Variants in TSPAN1 observed in about 807,000 individuals in gnomAD.
TSPAN1 encodes the protein tetraspanin 1.
A neutral mutation model predicts 26.9 loss-of-function variants in TSPAN1; 23 were observed. That is an observed-to-expected ratio of 0.85 (90% CI 0.62 to 1.21). The LOEUF (loss-of-function observed/expected upper bound fraction) is 1.21. Among genes scored for constraint, TSPAN1 ranks in the 50% most tolerant of loss-of-function variants. The pLI, the probability that TSPAN1 is intolerant of heterozygous loss-of-function variation, is 0.00. For synonymous variants in TSPAN1, 115 were observed against 114.8 expected (o/e 1.00, Z -0.01); for missense variants, 283 against 298.4 (o/e 0.95, Z 0.38).
At chr1:46,190,939 A>G, downstream of TSPAN1, 1 of 727,528 alleles carries the variant, frequency 1.4e-6, no homozygotes, top group East Asian at 2.8e-5. Flanking sequence ...TCTTTGCAGC[A>G]TCCTCAGCAA....
Position 46,185,109 on chromosome 1 carries a change from A to C in TSPAN1, c.588A>C (p.Lys196Asn). 6.2e-7 allele frequency: 1 copy of C among 1,614,208 alleles called. No homozygotes were observed. Among genetic ancestry groups the C allele is most frequent in the Non-Finnish European group, 8.5e-7 (1 of 1,180,036 alleles). Residue 196 changes from lysine to asparagine, a missense_variant, in exon 7 of 9, where the codon AAA becomes AAC. Coordinates refer to ENST00000372003, the MANE Select transcript of TSPAN1 (RefSeq NM_005727.4). Reference protein sequence around the residue: ...TCTKQKAHDQKVEGCFNQLLY... With the variant: ...TCTKQKAHDQNVEGCFNQLLY... ...CCAAGCAAAAGGCTCACGACCAAAAAGTAGAGGTGTGGGCTGGCATGAGTG... is the reference window on the plus strand; with the variant it reads ...CCAAGCAAAAGGCTCACGACCAAAACGTAGAGGTGTGGGCTGGCATGAGTG...
intron 1 of TSPAN1, among the ~76,000 whole-genome samples, chr1:46,179,909 C>T (rs1657272635): frequency 6.6e-6 from 1 of 151,698 alleles, no homozygotes; most frequent in South Asian, 2.1e-4. Flanking sequence ...CGGAAGCTGC[C>T]AAATCTCAGT....
chr1:46,194,115 G>A, the TSPAN1 span, among the ~76,000 whole-genome samples: 220 of 152,254 alleles, frequency 1.4e-3, 1 homozygote, highest in African/African-American at 4.8e-3. Context: ...CACATGGCCT[G>A]CCCCTTCACC....
At chr1:46,181,947 G>A (rs1657323012) in intron 3 of TSPAN1, among the ~76,000 whole-genome samples, 2 of 152,212 alleles carry the variant, frequency 1.3e-5, no homozygotes, top group South Asian at 4.1e-4. Context: ...GAGAAGCTGA[G>A]CCATGAGGCG....
chr1:46,193,398 A>G, the TSPAN1 span: 34 of 1,610,522 alleles, frequency 2.1e-5, no homozygotes, highest in Non-Finnish European at 2.9e-5. Context: ...CCTGGGGGAC[A>G]TGGCCACTGC....
chr1:46,175,713 A>G (rs547749555), intron 1 of TSPAN1: 1 of 400,354 alleles, frequency 2.5e-6, no homozygotes, highest in Non-Finnish European at 4.4e-6. Flanking sequence ...CCCCTCCCCA[A>G]ACCCTCTGCT....
intron 3 of TSPAN1, 58 bp from the exon 4 acceptor site, chr1:46,184,133 G>A (rs1657371336): frequency 6.4e-7 from 1 of 1,561,928 alleles, no homozygotes; most frequent in Admixed American, 1.7e-5. Context: ...ACTCAGCTGT[G>A]TGGTAGTAAG....
the TSPAN1 span, chr1:46,190,978 C>T: frequency 7.5e-5 from 45 of 602,066 alleles, no homozygotes; most frequent in Non-Finnish European, 1.3e-4. Context: ...TTGGCCTCCA[C>T]CATTGCTGGA....
In TSPAN1 at chr1:46,182,794, T is replaced by TTTGTTG. The variant is rs113298952; in HGVS notation, c.58-1379_58-1374dup. ...CCTTCGGCTGCAGGGAACTTGTGTT[T>TTTGTTG]TTGTTGTTGTTGTTGTTGTTGTTTG... On this transcript the variant is annotated intron_variant, in intron 3 of 8. Coordinates refer to ENST00000372003, the MANE Select transcript of TSPAN1 (RefSeq NM_005727.4). Among the ~76,000 whole-genome samples, 157 of 150,948 alleles carry TTTGTTG rather than the reference T, an allele frequency of 1.0e-3. 1 individual carries two copies. The highest frequency in any genetic ancestry group is 3.8e-3 in the African/African-American group (155 of 40,464).
At chr1:46,179,224 G>A (rs1488907755) in intron 1 of TSPAN1, among the ~76,000 whole-genome samples, 2 of 151,562 alleles carry the variant, frequency 1.3e-5, no homozygotes, top group African/African-American at 4.9e-5. Context: ...GGAGGCTGAG[G>A]ATCATTTGAG....
In TSPAN1 at chr1:46,175,316, G is replaced by T; in HGVS notation, c.-235G>T. ...CCCTACTTCATGGGGCAGATCAAGA[G>T]CTGAGACCAAAGATGGTCTATGTTG... On this transcript the variant is annotated 5_prime_UTR_variant, in exon 1 of 9. Transcript: ENST00000372003. The T allele has an allele frequency of 3.0e-6, 1 of 334,968 alleles. No homozygotes were observed. The highest frequency in any genetic ancestry group is 4.9e-5 in the Admixed American group (1 of 20,592). The allele number at this position is 334,968 out of a possible 1,614,324, so 20.7% of individuals were successfully genotyped here. A position where few individuals can be genotyped will look rare whatever the true frequency, so the allele number is the denominator to read the frequency against.
At chr1:46,189,498 T>A (rs374401585), downstream of TSPAN1, 38 of 1,613,574 alleles carry the variant, frequency 2.4e-5, no homozygotes, top group Middle Eastern at 1.6e-4. Context: ...AGGAAGTGGT[T>A]CTTCTTCCGA....
the TSPAN1 span, chr1:46,193,146 G>A: frequency 8.1e-6 from 13 of 1,613,944 alleles, no homozygotes; most frequent in Non-Finnish European, 1.0e-5. Flanking sequence ...CCCCTCCCAG[G>A]CCCAAGAGTT....
the TSPAN1 span, chr1:46,194,127 C>A: frequency 6.5e-7 from 1 of 1,544,182 alleles, no homozygotes; most frequent in Non-Finnish European, 8.8e-7. Flanking sequence ...CCCTTCACCC[C>A]AGCCCTGTCT....
the TSPAN1 span, chr1:46,193,748 C>G: frequency 1.3e-6 from 2 of 1,596,506 alleles, no homozygotes; most frequent in Non-Finnish European, 1.7e-6. Context: ...GAGGTGAATG[C>G]GTCTAGAATC....
At chr1:46,193,740 G>T in the TSPAN1 span, 1 of 1,598,744 alleles carries the variant, frequency 6.3e-7, no homozygotes, top group Non-Finnish European at 8.5e-7. Flanking sequence ...TACCCACAGA[G>T]GTGAATGCGT....
intron 2 of TSPAN1, 80 bp from the exon 3 acceptor site, chr1:46,181,019 TG>T: frequency 8.1e-7 from 1 of 1,236,434 alleles, no homozygotes; most frequent in Non-Finnish European, 1.2e-6. Flanking sequence ...CTGGCATATC[TG>T]GCTGAATATC....
Position 46,177,890 on chromosome 1 carries a change from C to A in TSPAN1, c.-142+2481C>A, listed in dbSNP as rs76869997. 1.4e-3 allele frequency among the ~76,000 whole-genome samples: 220 copies of A among 152,290 alleles called. 1 individual carries two copies. Among genetic ancestry groups the A allele is most frequent in the African/African-American group, 4.8e-3 (198 of 41,564 alleles). On this transcript the variant is annotated intron_variant, in intron 1 of 8. Transcript: ENST00000372003. The stretch of plus-strand genomic sequence containing the variant: ...TGGGGCTCAGTGAGGTGAAGTCACA[C>A]AATTAGAGGCAGGCAGGAAGCAAAT...
intron 1 of TSPAN1, among the ~76,000 whole-genome samples, chr1:46,179,890 A>G (rs1657272108): frequency 6.6e-6 from 1 of 152,202 alleles, no homozygotes; most frequent in Admixed American, 6.5e-5. Flanking sequence ...TGCTACTCGC[A>G]GGAGAGAGCG....
Sources: gnomAD v4.1 joint callset for allele counts (sites outside exome capture counted in the v4.1 genomes callset) on GRCh38, gnomAD v4.1.1 for gene constraint, MANE v1.5 for transcripts, NCBI Gene and HGNC (gene_info 2026-07-23, HGNC 2026-07-21) for gene names.